NLGN1: variants seen among roughly 807,000 people sequenced by gnomAD.
NLGN1 encodes neuroligin 1.
NLGN1 carries 12 observed loss-of-function variants against 65.5 expected under a neutral mutation model. That is an observed-to-expected ratio of 0.18 (90% CI 0.12 to 0.30). The LOEUF (loss-of-function observed/expected upper bound fraction) is 0.30, where lower values mean the gene tolerates loss of function less well. Among genes scored for constraint, NLGN1 ranks in the 10% least tolerant of loss-of-function variants. NLGN1 has a pLI of 1.00. For synonymous variants in NLGN1, 350 were observed against 359.5 expected, an observed-to-expected ratio of 0.97 and a Z score of 0.30; for missense variants, 750 against 1,007.1, an observed-to-expected ratio of 0.74 and a Z score of 3.46.
At chr3:173,768,200 A>C (rs377226837) in intron 3 of NLGN1, among the ~76,000 whole-genome samples, 1 of 152,188 alleles carries the variant, frequency 6.6e-6, no homozygotes, top group Non-Finnish European at 1.5e-5. Flanking sequence ...GGGGGGAAAA[A>C]GTTACTGTTA....
intron 2 of NLGN1, among the ~76,000 whole-genome samples, chr3:173,600,149 T>G (rs899873290): frequency 1.3e-5 from 2 of 151,212 alleles, no homozygotes; most frequent in East Asian, 3.9e-4. Flanking sequence ...TATGTGAGAT[T>G]TGTATATCTA....
At chr3:173,855,870 G>C (rs1189634473) in intron 4 of NLGN1, among the ~76,000 whole-genome samples, 2 of 152,040 alleles carry the variant, frequency 1.3e-5, no homozygotes, top group Non-Finnish European at 2.9e-5. Context: ...GTGGCAAGTT[G>C]GGGATCATAC....
chr3:173,710,679 C>G (rs946594492), intron 3 of NLGN1, among the ~76,000 whole-genome samples: 3 of 152,200 alleles, frequency 2.0e-5, no homozygotes, highest in Admixed American at 6.6e-5. Context: ...TTAATTGCAT[C>G]GGGAAATTTT....
chr3:173,782,714 T>A (rs972945256), intron 3 of NLGN1, among the ~76,000 whole-genome samples: 13 of 150,760 alleles, frequency 8.6e-5, no homozygotes, highest in African/African-American at 2.9e-4. Context: ...TCTTTTTGCA[T>A]TGTTCTTACC....
chr3:173,721,009 G>T (rs899036677), intron 3 of NLGN1, among the ~76,000 whole-genome samples: 18 of 152,166 alleles, frequency 1.2e-4, no homozygotes, highest in Middle Eastern at 3.2e-3. Flanking sequence ...AAGCTTTTAG[G>T]CAGAAAGATC....
chr3:174,200,754 A>G (rs1439298186), intron 4 of NLGN1, among the ~76,000 whole-genome samples: 1 of 152,200 alleles, frequency 6.6e-6, no homozygotes, highest in African/African-American at 2.4e-5. Context: ...CCTGTCAGCT[A>G]TTGAATGGGG....
chr3:173,860,842 G>C (rs151013989), intron 4 of NLGN1, among the ~76,000 whole-genome samples: 37 of 150,846 alleles, frequency 2.5e-4, no homozygotes, highest in Non-Finnish European at 4.0e-4. Flanking sequence ...AAATATGAAG[G>C]GGGGGTTACC....
intron 3 of NLGN1, among the ~76,000 whole-genome samples, chr3:173,782,414 TA>T (rs1247409550): frequency 9.2e-5 from 14 of 152,178 alleles, no homozygotes; most frequent in Non-Finnish European, 1.6e-4. Context: ...ATAGAAATGT[TA>T]TAAGAAATAA....
At chr3:173,674,980 ATTTTT>A (rs1250112022) in intron 3 of NLGN1, among the ~76,000 whole-genome samples, 1 of 151,334 alleles carries the variant, frequency 6.6e-6, no homozygotes, top group Non-Finnish European at 1.5e-5. Context: ...GACTAACTAA[ATTTTT>A]TTTTACTCAA....
intron 4 of NLGN1, among the ~76,000 whole-genome samples, chr3:174,103,260 A>C (rs1018273092): frequency 1.3e-5 from 2 of 152,352 alleles, no homozygotes; most frequent in African/African-American, 4.8e-5. Flanking sequence ...ATTAGAGATA[A>C]GCAGTTTCCT....
At chr3:174,008,731 T>G (rs1579732900) in intron 4 of NLGN1, among the ~76,000 whole-genome samples, 1 of 152,152 alleles carries the variant, frequency 6.6e-6, no homozygotes, top group East Asian at 1.9e-4. Context: ...GGGCCCCAGA[T>G]AATCACCTGC....
At chr3:174,090,983 CAT>C (rs1458666678) in intron 4 of NLGN1, among the ~76,000 whole-genome samples, 2 of 152,146 alleles carry the variant, frequency 1.3e-5, no homozygotes, top group Non-Finnish European at 2.9e-5. Context: ...TTGTAAATAA[CAT>C]TGTGACATTG....
intron 4 of NLGN1, among the ~76,000 whole-genome samples, chr3:174,099,129 G>T (rs1711806167): frequency 6.6e-6 from 1 of 152,132 alleles, no homozygotes; most frequent in Non-Finnish European, 1.5e-5. Flanking sequence ...AAGCCAATGT[G>T]CAAAGGAAAA....
intron 4 of NLGN1, among the ~76,000 whole-genome samples, chr3:173,823,218 A>G (rs563300467): frequency 6.6e-6 from 1 of 152,218 alleles, no homozygotes; most frequent in African/African-American, 2.4e-5. Context: ...AATGTTTCTT[A>G]TATAAATCTC....
intron 4 of NLGN1, among the ~76,000 whole-genome samples, chr3:173,897,071 GAAGT>G (rs1386983206): frequency 6.6e-6 from 1 of 152,144 alleles, no homozygotes; most frequent in Non-Finnish European, 1.5e-5. Context: ...CTTTCATCCA[GAAGT>G]AAGTATCTTT....
intron 4 of NLGN1, chr3:174,057,576 G>A (rs1383679097): frequency 6.6e-6 from 1 of 152,046 alleles, no homozygotes; most frequent in Non-Finnish European, 1.5e-5. Context: ...GTGTATTTTT[G>A]TTGCCACCAT....
At chr3:174,278,810 C>A (rs1577782883) in intron 5 of NLGN1, 51 bp from the exon 6 acceptor site, 2 of 1,360,808 alleles carry the variant, frequency 1.5e-6, no homozygotes, top group East Asian at 4.9e-5. Context: ...TATTGTTTTA[C>A]CACAACATTA....
intron 4 of NLGN1, among the ~76,000 whole-genome samples, chr3:174,093,019 G>T (rs1369679549): frequency 6.6e-6 from 1 of 152,128 alleles, no homozygotes; most frequent in Non-Finnish European, 1.5e-5. Context: ...AGTCCCATGG[G>T]CCATACCTAA....
In NLGN1 at chr3:173,965,687, G is replaced by A. The variant is rs183467751; in HGVS notation, c.646+157855G>A. 4.9e-4 allele frequency among the ~76,000 whole-genome samples: 74 copies of A among 152,026 alleles called. 1 individual carries two copies. The highest frequency in any genetic ancestry group is 2.1e-4 in the Non-Finnish European group (14 of 67,978). On this transcript the variant is annotated intron_variant, in intron 4 of 6. Transcript: ENST00000457714. ...CCCACAATTGGGAGAGAATTTTCTC[G>A]ACTGGATTTTCTCTTTTTCAGGATC...
Sources: allele counts gnomAD v4.1 joint callset (sites outside exome capture counted in the v4.1 genomes callset), GRCh38; gene constraint gnomAD v4.1.1; transcripts MANE v1.5; gene names NCBI Gene and HGNC (gene_info 2026-07-23, HGNC 2026-07-21).